ZSCAN25: variants seen among roughly 807,000 people sequenced by gnomAD.
The protein encoded by ZSCAN25 is zinc finger and SCAN domain containing 25.
Under a neutral mutation model 38.7 loss-of-function variants are expected in ZSCAN25, and 27 were observed. The observed-to-expected ratio is 0.70, with a 90% CI of 0.51 to 0.96. The LOEUF (loss-of-function observed/expected upper bound fraction) is 0.96, where lower values mean the gene tolerates loss of function less well. ZSCAN25 is among the 40% of genes least tolerant of loss of function. The pLI is 0.00. For synonymous variants in ZSCAN25, 273 were observed against 277.7 expected (o/e 0.98, Z 0.17); for missense variants, 637 against 705.9 (o/e 0.90, Z 1.11).
chr7:99,703,346 C>G, the ZSCAN25 span, among the ~76,000 whole-genome samples: 5 of 152,206 alleles, frequency 3.3e-5, no homozygotes, highest in Non-Finnish European at 7.3e-5. Context: ...CTAAAGAGCT[C>G]TGGTTCCTTT....
the ZSCAN25 span, among the ~76,000 whole-genome samples, chr7:99,722,038 T>TC: frequency 6.6e-6 from 1 of 152,222 alleles, no homozygotes; most frequent in Non-Finnish European, 1.5e-5. Flanking sequence ...CATGAAGTCC[T>TC]CCTCATATTT....
the ZSCAN25 span, among the ~76,000 whole-genome samples, chr7:99,646,462 A>T: frequency 2.6e-5 from 4 of 152,146 alleles, no homozygotes; most frequent in Non-Finnish European, 5.9e-5. Context: ...AATTTACTGA[A>T]TTTGTTTATC....
the ZSCAN25 span, among the ~76,000 whole-genome samples, chr7:99,644,204 CT>C: frequency 4.7e-3 from 716 of 152,234 alleles, 4 homozygotes; most frequent in Non-Finnish European, 8.3e-3. Flanking sequence ...ATAGATTCTT[CT>C]GTGGATGGGG....
the ZSCAN25 span, among the ~76,000 whole-genome samples, chr7:99,704,315 C>T: frequency 1.3e-5 from 2 of 152,042 alleles, no homozygotes; most frequent in Non-Finnish European, 2.9e-5. Context: ...TTTTTAGATG[C>T]AGTCTCACTC....
the ZSCAN25 span, chr7:99,648,388 A>G: frequency 5.0e-6 from 8 of 1,606,880 alleles, no homozygotes; most frequent in Non-Finnish European, 6.8e-6. Context: ...TGCGTGTCTA[A>G]TTTCAAGGGG....
intron 7 of ZSCAN25, among the ~76,000 whole-genome samples, chr7:99,626,211 A>T (rs1807456872): frequency 6.6e-6 from 1 of 152,244 alleles, no homozygotes; most frequent in Admixed American, 6.5e-5. Flanking sequence ...AGAAACCTGA[A>T]TGCAGGACTC....
the ZSCAN25 span, chr7:99,715,766 A>G: frequency 1.2e-6 from 2 of 1,613,796 alleles, no homozygotes; most frequent in Non-Finnish European, 1.7e-6. Flanking sequence ...ACTTATTGAG[A>G]GAACGAATGG....
chr7:99,618,052 T>C (rs1369569695), intron 1 of ZSCAN25: 3 of 152,242 alleles, frequency 2.0e-5, no homozygotes, highest in Non-Finnish European at 4.4e-5. Context: ...ATAGAATATT[T>C]AGCAGAAGCT....
At chr7:99,715,990 C>T in the ZSCAN25 span, 6 of 1,609,948 alleles carry the variant, frequency 3.7e-6, no homozygotes, top group Admixed American at 5.0e-5. Flanking sequence ...ATCCACATGT[C>T]CAGTCAAGAC....
At chr7:99,712,137 C>T in the ZSCAN25 span, among the ~76,000 whole-genome samples, 16 of 152,218 alleles carry the variant, frequency 1.1e-4, no homozygotes, top group Admixed American at 3.3e-4. Context: ...TCTGTTTGAT[C>T]AGGACTGGAT....
chr7:99,708,585 T>G, the ZSCAN25 span, among the ~76,000 whole-genome samples: 1 of 152,132 alleles, frequency 6.6e-6, no homozygotes, highest in Admixed American at 6.5e-5. Flanking sequence ...GCTACTGTAT[T>G]GATGGAAAGC....
At chr7:99,703,588 G>A in the ZSCAN25 span, among the ~76,000 whole-genome samples, 970 of 152,034 alleles carry the variant, frequency 6.4e-3, 6 homozygotes, top group African/African-American at 0.022. Flanking sequence ...GAATATACAC[G>A]AATACATCCA....
chr7:99,713,550 A>G, the ZSCAN25 span: 1 of 1,613,242 alleles, frequency 6.2e-7, no homozygotes, highest in South Asian at 1.1e-5. Context: ...AAGCAAAAAG[A>G]GAAATTTTAT....
At chr7:99,661,016 A>G in the ZSCAN25 span, among the ~76,000 whole-genome samples, 2 of 152,200 alleles carry the variant, frequency 1.3e-5, no homozygotes, top group Non-Finnish European at 2.9e-5. Context: ...GTAAGTAAAT[A>G]TGGGGTAGGC....
chr7:99,632,516 AGGGC>A (rs1015180885), downstream of ZSCAN25: 18 of 161,876 alleles, frequency 1.1e-4, no homozygotes, highest in Non-Finnish European at 2.3e-4. Context: ...GTAAAAGGTA[AGGGC>A]GGCTGGGTGT....
At chr7:99,660,115 C>A in the ZSCAN25 span, 1 of 686,792 alleles carries the variant, frequency 1.5e-6, no homozygotes, top group African/African-American at 2.0e-5. Context: ...GCACCCGGTA[C>A]CTCAGTTGGA....
At chr7:99,687,995 C>G in the ZSCAN25 span, among the ~76,000 whole-genome samples, 45 of 152,264 alleles carry the variant, frequency 3.0e-4, no homozygotes, top group African/African-American at 1.1e-3. Flanking sequence ...ACCACCAGGC[C>G]TGCCCTAAAA....
chr7:99,640,346 C>CG, the ZSCAN25 span, among the ~76,000 whole-genome samples: 2 of 152,080 alleles, frequency 1.3e-5, no homozygotes, highest in Non-Finnish European at 2.9e-5. Context: ...TTAGTAGAGA[C>CG]GGGGTTTCAC....
At chr7:99,671,854 T>C in the ZSCAN25 span, 2 of 702,850 alleles carry the variant, frequency 2.8e-6, no homozygotes, top group African/African-American at 1.7e-5. Flanking sequence ...GTCTGCATCT[T>C]GATGGTGCTG....
Sources: allele counts gnomAD v4.1 joint callset (sites outside exome capture counted in the v4.1 genomes callset), GRCh38; gene constraint gnomAD v4.1.1; transcripts MANE v1.5; gene names NCBI Gene and HGNC (gene_info 2026-07-23, HGNC 2026-07-21).